The following CUX1 variants were observed in gnomAD, a reference collection of about 807,000 sequenced individuals.
CUX1 encodes protein CASP.
A neutral mutation model predicts 158.8 loss-of-function variants in CUX1; 31 were observed. That is an observed-to-expected ratio of 0.20 (90% CI 0.15 to 0.26). CUX1 has a LOEUF of 0.26. CUX1 is among the 10% of genes least tolerant of loss of function. The probability of loss-of-function intolerance (pLI) is 1.00; values close to 1 mark genes in which losing one functional copy is unlikely to be tolerated. For missense variants in CUX1, 1,589 were observed against 2,014.6 expected (o/e 0.79, Z 4.04); for synonymous variants, 879 against 862.1 (o/e 1.02, Z -0.34).
At chr7:102,222,788 CTG>C (rs1229825312) in intron 20 of CUX1, among the ~76,000 whole-genome samples, 4 of 129,586 alleles carry the variant, frequency 3.1e-5, no homozygotes, top group Non-Finnish European at 4.8e-5. Context: ...TAGCTCCTGG[CTG>C]TGTGTCTCGG....
chr7:102,222,995 G>C (rs565061952), intron 20 of CUX1, among the ~76,000 whole-genome samples: 31 of 150,892 alleles, frequency 2.1e-4, no homozygotes, highest in African/African-American at 7.3e-4. Flanking sequence ...GTAGAGATGG[G>C]GTTTCACCAT....
chr7:102,157,286 C>A (rs1554505574), intron 8 of CUX1, among the ~76,000 whole-genome samples: 1 of 152,096 alleles, frequency 6.6e-6, no homozygotes, highest in East Asian at 1.9e-4. Flanking sequence ...CAACCAGGTC[C>A]CTGTGGCTGT....
chr7:102,081,861 G>C (rs1167470000), intron 4 of CUX1, among the ~76,000 whole-genome samples: 1 of 146,390 alleles, frequency 6.8e-6, no homozygotes, highest in African/African-American at 2.4e-5. Flanking sequence ...CCTGACCTCG[G>C]GTGATGCGTC....
In CUX1 at chr7:102,197,181, G is replaced by C. The variant is rs1554518631; in HGVS notation, c.1770G>C (p.Leu590=). The change falls in exon 15 of 24, where the codon CTG becomes CTC. Residue 590 remains leucine, a synonymous_variant. Coordinates refer to ENST00000292535, the MANE Select transcript of CUX1 (RefSeq NM_181552.4). ...GLSQGSVSEI[L]ARPKPWNKLT... Reference sequence around the variant, plus strand: ...CTCAAGGGTCCGTGAGCGAGATTCTGGCCCGGCCCAAGCCATGGAATAAAC... The same window carrying C: ...CTCAAGGGTCCGTGAGCGAGATTCTCGCCCGGCCCAAGCCATGGAATAAAC... 4 of 1,614,244 alleles carry C rather than the reference G, an allele frequency of 2.5e-6. No homozygotes were observed. Among genetic ancestry groups the C allele is most frequent in the Non-Finnish European group, 3.4e-6 (4 of 1,180,052 alleles).
intron 2 of CUX1, among the ~76,000 whole-genome samples, chr7:101,923,539 A>G (rs1805221438): frequency 6.6e-6 from 1 of 152,166 alleles, no homozygotes; most frequent in African/African-American, 2.4e-5. Flanking sequence ...TGTCTCCTCT[A>G]AAACAGACCC....
intron 3 of CUX1, among the ~76,000 whole-genome samples, chr7:102,042,923 A>G (rs1822285434): frequency 6.9e-6 from 1 of 144,472 alleles, no homozygotes; most frequent in African/African-American, 2.6e-5. Context: ...CCAAGCAGTT[A>G]GGACTATAGG....
intron 22 of CUX1, among the ~76,000 whole-genome samples, chr7:102,237,993 G>A (rs886762607): frequency 6.6e-6 from 1 of 152,156 alleles, no homozygotes; most frequent in Non-Finnish European, 1.5e-5. Context: ...GAGACTTTTA[G>A]TACTTTCACT....
At chr7:102,208,007 G>A (rs1210791777) in intron 20 of CUX1, among the ~76,000 whole-genome samples, 1 of 152,022 alleles carries the variant, frequency 6.6e-6, no homozygotes, top group East Asian at 1.9e-4. Context: ...GGGCAACATG[G>A]TGAAACCCCA....
intron 2 of CUX1, among the ~76,000 whole-genome samples, chr7:101,959,238 AGTGTGTGTGTGT>A (rs55733311): frequency 1.3e-3 from 192 of 145,816 alleles, no homozygotes; most frequent in South Asian, 6.1e-3. Context: ...ATGTGTGTGC[AGTGTGTGTGTGT>A]GTGTGTGTGT....
chr7:101,936,111 T>A (rs752292447), intron 2 of CUX1, among the ~76,000 whole-genome samples: 14 of 152,084 alleles, frequency 9.2e-5, no homozygotes, highest in Non-Finnish European at 1.3e-4. Context: ...GCTTACATTC[T>A]AGTGGAGACA....
At chr7:102,096,786 T>C (rs1829242039) in intron 4 of CUX1, among the ~76,000 whole-genome samples, 1 of 152,210 alleles carries the variant, frequency 6.6e-6, no homozygotes. Context: ...ACCAACTAGC[T>C]GGGTGACCTC....
chr7:102,096,879 C>G lies in CUX1; in HGVS notation c.269-485C>G, dbSNP rs548732447. Among the ~76,000 whole-genome samples the G allele has an allele frequency of 4.6e-5, 7 of 152,286 alleles. No individual in the cohort carries two copies. In the South Asian group the frequency reaches 1.5e-3, roughly 32 times the overall value. ...TTGTAAGGCTCAAAAGACACAATCT[C>G]CATAAAGTGTCCCGTGAACTGTGTG... On this transcript the variant is annotated intron_variant, in intron 4 of 23. Transcript: ENST00000292535.
intron 10 of CUX1, among the ~76,000 whole-genome samples, chr7:102,177,413 C>CAA (rs1219318950): frequency 7.5e-5 from 8 of 106,104 alleles, no homozygotes; most frequent in Non-Finnish European, 8.3e-5. Flanking sequence ...AACTCTATCT[C>CAA]AAAAAAAAAA....
At chr7:102,026,314 T>G (rs1585322652) in intron 2 of CUX1, among the ~76,000 whole-genome samples, 1 of 152,160 alleles carries the variant, frequency 6.6e-6, no homozygotes, top group South Asian at 2.1e-4. Context: ...GTGGCTAGGG[T>G]AACTAAGAAA....
intron 8 of CUX1, among the ~76,000 whole-genome samples, chr7:102,141,314 A>G (rs1347993434): frequency 3.3e-5 from 5 of 152,192 alleles, no homozygotes; most frequent in African/African-American, 1.2e-4. Flanking sequence ...TGCGGGGTAC[A>G]GGAAACCACC....
intron 2 of CUX1, among the ~76,000 whole-genome samples, chr7:102,002,048 C>G (rs960004121): frequency 6.6e-6 from 1 of 152,198 alleles, no homozygotes; most frequent in Non-Finnish European, 1.5e-5. Flanking sequence ...AATCCCAGCA[C>G]TTTGAGAGGC....
intron 10 of CUX1, among the ~76,000 whole-genome samples, chr7:102,172,237 G>A (rs934769421): frequency 6.6e-6 from 1 of 152,004 alleles, no homozygotes; most frequent in Non-Finnish European, 1.5e-5. Context: ...AGCTGCAGGC[G>A]CATACCACCA....
Position 102,178,655 on chromosome 7 carries a change from A to G in CUX1, c.1015A>G (p.Lys339Glu). 1.2e-6 allele frequency: 2 copies of G among 1,607,404 alleles called. No individual in the cohort carries two copies. Among genetic ancestry groups the G allele is most frequent in the Non-Finnish European group, 1.7e-6 (2 of 1,176,646 alleles). ...GCTGAGCGCCAAAAACAGCACACTCAAAGTAAGGGGGCTGCGGGGCCCGGG... is the reference window on the plus strand; with the variant it reads ...GCTGAGCGCCAAAAACAGCACACTCGAAGTAAGGGGGCTGCGGGGCCCGGG... ...QQLSAKNSTL[K>E]QLEEKLKGQA... Residue 339 changes from lysine (K) to glutamate (E), a missense_variant and splice_region_variant, in exon 11 of 24, where the codon AAA becomes GAA. By Grantham distance (56) the Lys-to-Glu change is moderately conservative. Around this residue, in one of 8 missense-constraint regions of CUX1, gnomAD observed 515 missense variants for 574.4 expected, o/e 0.90. Transcript: ENST00000292535.
At chr7:102,273,330 G>C (rs1554546715) in intron 14 of CUX1, 2 of 1,603,278 alleles carry the variant, frequency 1.2e-6, no homozygotes, top group Admixed American at 3.4e-5. Context: ...GTCCCACCAG[G>C]CTCCCTCTGA....
Sources: allele counts gnomAD v4.1 joint callset (sites outside exome capture counted in the v4.1 genomes callset), GRCh38; gene constraint gnomAD v4.1.1; regional missense constraint gnomAD v4.1.1; transcripts MANE v1.5; gene names NCBI Gene and HGNC (gene_info 2026-07-23, HGNC 2026-07-21).